Variants in BAG5 observed in about 807,000 individuals in gnomAD.
BAG5 encodes the protein BAG family molecular chaperone regulator 5.
A neutral mutation model predicts 31.8 loss-of-function variants in BAG5; 25 were observed. The observed-to-expected ratio is 0.79, with a 90% CI of 0.57 to 1.10. The LOEUF (loss-of-function observed/expected upper bound fraction) is 1.10, where lower values mean the gene tolerates loss of function less well. Ranked by LOEUF, BAG5 falls within the 50% of genes least tolerant of loss-of-function variation. The pLI is 0.00. For synonymous variants in BAG5, 208 were observed against 205.0 expected (o/e 1.01, Z -0.13); for missense variants, 491 against 527.9 (o/e 0.93, Z 0.68).
intron 1 of BAG5, chr14:103,562,085 C>A (rs2076081713): frequency 1.2e-5 from 11 of 956,506 alleles, no homozygotes; most frequent in Admixed American, 8.7e-5. Flanking sequence ...TCGCCCTTCC[C>A]TCTTGGCCCT....
At position 103,556,806 on chromosome 14, in the gene BAG5, TA is replaced by T. The variant is rs1442967241; in HGVS notation, c.*3014del. On this transcript the variant is annotated 3_prime_UTR_variant, in exon 2 of 2. Transcript: ENST00000299204. ...TGAAAAGCTGTGCTCAAAAAAAAAA[TA>T]AAAAAACCCAAAACCTTGCATGCAC... is the stretch of plus-strand genomic sequence containing the variant. 6.6e-6 allele frequency: 1 copy of T among 150,640 alleles called. No homozygotes were observed. The highest frequency in any genetic ancestry group is 1.5e-5 in the Non-Finnish European group (1 of 67,638). The allele number at this position is 150,640 out of a possible 1,614,324, so 9.3% of individuals were successfully genotyped here.
Position 103,560,775 on chromosome 14 carries a change from G to C in BAG5, c.390C>G (p.Ile130Met). The C allele has an allele frequency of 6.2e-7, 1 of 1,613,990 alleles. No homozygotes were observed. Among genetic ancestry groups the C allele is most frequent in the African/African-American group, 1.3e-5 (1 of 75,012 alleles). ...TDEFEEGIQD[I>M]ILRLTHVKTG... ...TTTTAACATGTGTCAGCCTCAGAAT[G>C]ATATCTTGGATGCCTTCTTCAAACT... Residue 130 changes from isoleucine to methionine, a missense_variant, in exon 2 of 2, where the codon ATC becomes ATG. Ile to Met is a conservative substitution (Grantham distance 10). Coordinates refer to ENST00000299204, the MANE Select transcript of BAG5 (RefSeq NM_001015048.3).
rs768986787 is a variant in BAG5 at position 103,560,782 on chromosome 14, T to C, written c.383A>G (p.Gln128Arg). Residue 128 changes from glutamine to arginine, a missense_variant, in exon 2 of 2, where the codon CAA (glutamine) becomes CGA (arginine). Physicochemically the swap from Gln to Arg is conservative, Grantham distance 43. Coordinates refer to ENST00000299204, the MANE Select transcript of BAG5 (RefSeq NM_001015048.3). ...CVTDEFEEGI[Q>R]DIILRLTHVK... is the part of the protein sequence containing the mutation. Reference sequence around the variant, plus strand: ...ATGTGTCAGCCTCAGAATGATATCTTGGATGCCTTCTTCAAACTCATCAGT... The same window carrying C: ...ATGTGTCAGCCTCAGAATGATATCTCGGATGCCTTCTTCAAACTCATCAGT... The C allele has an allele frequency of 2.5e-6, 4 of 1,613,998 alleles. No individual in the cohort carries two copies. The Admixed American group carries it at 5.0e-5, about 20-fold the overall frequency.
In BAG5 at chr14:103,558,801, C is replaced by T. The variant is rs953306847; in HGVS notation, c.*1020G>A. 3 of 152,228 alleles carry T rather than the reference C, an allele frequency of 2.0e-5. No individual in the cohort carries two copies. Among genetic ancestry groups the T allele is most frequent in the Non-Finnish European group, 4.4e-5 (3 of 68,052 alleles). The allele number at this position is 152,228 out of a possible 1,614,324, so 9.4% of individuals were successfully genotyped here. On this transcript the variant is annotated 3_prime_UTR_variant, in exon 2 of 2. Transcript: ENST00000299204. ...GAAAACCTAGGAAGGCCTGGTCCCT[C>T]TGGGTTACTGACAGCGTCTACCCTC...
Position 103,559,901 on chromosome 14 carries a change from C to T in BAG5, c.1264G>A (p.Ala422Thr). 1 of 1,614,240 alleles carries T rather than the reference C, an allele frequency of 6.2e-7. No homozygotes were observed. Among genetic ancestry groups the T allele is most frequent in the Non-Finnish European group, 8.5e-7 (1 of 1,180,054 alleles). The change falls in exon 2 of 2, where the codon GCT (alanine) becomes ACT (threonine). Residue 422 changes from alanine to threonine, a missense_variant. Ala to Thr is a moderately conservative substitution (Grantham distance 58, BLOSUM62 0). Coordinates refer to ENST00000299204, the MANE Select transcript of BAG5 (RefSeq NM_001015048.3). ...AGCCTCACAGCTTGTTTCCTGGCAG[C>T]CTTACACTTCTCTTCTCCCTGCGGA... ...VDPQGEEKCK[A>T]ARKQAVRLAQ...
In BAG5 at chr14:103,556,756, G is replaced by A. The variant is rs1270643638; in HGVS notation, c.*3065C>T. On this transcript the variant is annotated 3_prime_UTR_variant, in exon 2 of 2. Coordinates refer to ENST00000299204, the MANE Select transcript of BAG5 (RefSeq NM_001015048.3). ...ATGGCCAATATTTCTCTTATTAAGAGAAAAATACCCAACAAATTAAAAGGT... is the reference window on the plus strand; with the variant it reads ...ATGGCCAATATTTCTCTTATTAAGAAAAAAATACCCAACAAATTAAAAGGT... The A allele has an allele frequency of 1.3e-5, 2 of 150,444 alleles. No homozygotes were observed. Among genetic ancestry groups the A allele is most frequent in the African/African-American group, 4.9e-5 (2 of 40,860 alleles). The allele number at this position is 150,444 out of a possible 1,614,324, so 9.3% of individuals were successfully genotyped here.
In BAG5 at chr14:103,558,263, C is replaced by T. The variant is rs758189480; in HGVS notation, c.*1558G>A. On this transcript the variant is annotated 3_prime_UTR_variant, in exon 2 of 2. Transcript: ENST00000299204. ...TTCATGATTGGGAAATACTGAGAGA[C>T]AAGCTGAAGATTTGTTAAGGGCTAT... 6.6e-6 allele frequency: 1 copy of T among 152,194 alleles called. No homozygotes were observed. Among genetic ancestry groups the T allele is most frequent in the Non-Finnish European group, 1.5e-5 (1 of 68,034 alleles). The allele number at this position is 152,194 out of a possible 1,614,324, so 9.4% of individuals were successfully genotyped here.
chr14:103,558,841 C>CA lies in BAG5; in HGVS notation c.*979dup, dbSNP rs2076052830. On this transcript the variant is annotated 3_prime_UTR_variant, in exon 2 of 2. Transcript: ENST00000299204. The stretch of plus-strand genomic sequence containing the variant: ...CGTCTACCCTCACGTTGTAAAACAG[C>CA]ACCGGGGAGGTGTGACAAGGCTGTC... 2 of 152,206 alleles carry CA rather than the reference C, an allele frequency of 1.3e-5. No individual in the cohort carries two copies. The highest frequency in any genetic ancestry group is 4.8e-5 in the African/African-American group (2 of 41,446). 9.4% of individuals were successfully genotyped at this position (152,206 alleles called of 1,614,324 possible).
rs144114999 is a variant in BAG5, at chr14:103,560,061, G to A, written c.1104C>T (p.Ala368=). 33 of 1,614,162 alleles carry A rather than the reference G, an allele frequency of 2.0e-5. No individual in the cohort carries two copies. Among genetic ancestry groups the A allele is most frequent in the Middle Eastern group, 1.6e-4 (1 of 6,062 alleles). The change falls in exon 2 of 2, where the codon GCC becomes GCT. Residue 368 remains alanine, a synonymous_variant. Transcript: ENST00000299204. ...FACEEHPSHK[A]VWNVLGNLSE... ...ACAAGTTTCCAAGGACGTTCCAGACGGCTTTATGGGATGGGTGCTCCTCAC... is the reference window on the plus strand; with the variant it reads ...ACAAGTTTCCAAGGACGTTCCAGACAGCTTTATGGGATGGGTGCTCCTCAC...
At chr14:103,562,507 G>A (rs1566974560) in intron 1 of BAG5, 109 bp downstream of exon 1, 2 of 159,714 alleles carry the variant, frequency 1.3e-5, no homozygotes, top group Admixed American at 6.4e-5. Flanking sequence ...CAGGCCGCAC[G>A]GGGCTGGGCG....
rs2076043026 is a variant in BAG5, at chr14:103,557,071, G to A, written c.*2750C>T. ...GATCTGAAAGCAACGCTGACTGAAT[G>A]TAAATAAAGCAAACGTTCCCAGCCA... is the stretch of plus-strand genomic sequence containing the variant. On this transcript the variant is annotated 3_prime_UTR_variant, in exon 2 of 2. Transcript: ENST00000299204. 1 of 152,242 alleles carries A rather than the reference G, an allele frequency of 6.6e-6. No homozygotes were observed. The highest frequency in any genetic ancestry group is 1.5e-5 in the Non-Finnish European group (1 of 68,038). 9.4% of individuals were successfully genotyped at this position (152,242 alleles called of 1,614,324 possible).
In BAG5 at chr14:103,560,853, G is replaced by C; in HGVS notation, c.312C>G (p.Leu104=). ...IQNIFEEAQS[L]VREKIVPFYN... ...AAAATGGCACAATTTTCTCTCTCAC[G>C]AGGGACTGGGCTTCCTCAAAAATGT... is the stretch of plus-strand genomic sequence containing the variant. The change falls in exon 2 of 2, where the codon CTC becomes CTG. Residue 104 remains leucine, a synonymous_variant. Coordinates refer to ENST00000299204, the MANE Select transcript of BAG5 (RefSeq NM_001015048.3). The C allele has an allele frequency of 6.2e-7, 1 of 1,614,036 alleles. No homozygotes were observed. Among genetic ancestry groups the C allele is most frequent in the Non-Finnish European group, 8.5e-7 (1 of 1,180,034 alleles).
chr14:103,560,410 A>T lies in BAG5; in HGVS notation c.755T>A (p.Leu252Ter). Residue 252 changes from leucine (L) to a stop codon, truncating the protein, a stop_gained, in exon 2 of 2, where the codon TTA (leucine) becomes TAA (stop). Transcript: ENST00000299204. LOFTEE classifies it high-confidence loss of function. ...RREVVEDINKLLKYLDLEEEA... is the reference protein window; with the variant it reads ...RREVVEDINK ...CTCTTCCAAATCCAGATATTTCAAT[A>T]ATTTGTTGATATCTTCTACTACCTC... is the stretch of plus-strand genomic sequence containing the variant. 1 of 1,614,128 alleles carries T rather than the reference A, an allele frequency of 6.2e-7. No individual in the cohort carries two copies. Among genetic ancestry groups the T allele is most frequent in the Non-Finnish European group, 8.5e-7 (1 of 1,180,024 alleles).
rs2076057770 is a variant in BAG5, at chr14:103,559,695, G to C, written c.*126C>G. 2 of 1,148,306 alleles carry C rather than the reference G, an allele frequency of 1.7e-6. No individual in the cohort carries two copies. The highest frequency in any genetic ancestry group is 2.4e-6 in the Non-Finnish European group (2 of 819,366). 71.1% of individuals were successfully genotyped at this position (1,148,306 alleles called of 1,614,324 possible). A position where few individuals can be genotyped will look rare whatever the true frequency, so the allele number is the denominator to read the frequency against. ...CATCAAAAGCAGCAGATACTGAATA[G>C]AATTTGCTTCAATCATAAATACTGA... is the stretch of plus-strand genomic sequence containing the variant. On this transcript the variant is annotated 3_prime_UTR_variant, in exon 2 of 2. Coordinates refer to ENST00000299204, the MANE Select transcript of BAG5 (RefSeq NM_001015048.3).
intron 1 of BAG5, 39 bp from the exon 2 acceptor site, chr14:103,561,231 G>T: frequency 6.5e-7 from 1 of 1,528,250 alleles, no homozygotes; most frequent in South Asian, 1.2e-5. Flanking sequence ...TACAGCACAA[G>T]GCTTCTGCAG....
rs1460529324 is a variant in BAG5 at position 103,557,265 on chromosome 14, A to C, written c.*2556T>G. 2.0e-5 allele frequency: 3 copies of C among 152,254 alleles called. No individual in the cohort carries two copies. The highest frequency in any genetic ancestry group is 6.5e-5 in the Admixed American group (1 of 15,278). 9.4% of individuals were successfully genotyped at this position (152,254 alleles called of 1,614,324 possible). On this transcript the variant is annotated 3_prime_UTR_variant, in exon 2 of 2. Coordinates refer to ENST00000299204, the MANE Select transcript of BAG5 (RefSeq NM_001015048.3). ...TACATGCAGTAGCTCATATTAACAC[A>C]AACAGCTCCCCACGAAGGCCGACAA...
At position 103,557,061 on chromosome 14, in the gene BAG5, C is replaced by A. The variant is rs2076042931; in HGVS notation, c.*2760G>T. On this transcript the variant is annotated 3_prime_UTR_variant, in exon 2 of 2. Transcript: ENST00000299204. Reference sequence around the variant, plus strand: ...GATAAAGTGTGATCTGAAAGCAACGCTGACTGAATGTAAATAAAGCAAACG... The same window carrying A: ...GATAAAGTGTGATCTGAAAGCAACGATGACTGAATGTAAATAAAGCAAACG... 1 of 152,224 alleles carries A rather than the reference C, an allele frequency of 6.6e-6. No individual in the cohort carries two copies. Among genetic ancestry groups the A allele is most frequent in the Non-Finnish European group, 1.5e-5 (1 of 68,044 alleles). The allele number at this position is 152,224 out of a possible 1,614,324, so 9.4% of individuals were successfully genotyped here.
chr14:103,559,940 G>T lies in BAG5; in HGVS notation c.1225C>A (p.Leu409Met). 1 of 1,614,220 alleles carries T rather than the reference G, an allele frequency of 6.2e-7. No homozygotes were observed. Among genetic ancestry groups the T allele is most frequent in the Admixed American group, 1.7e-5 (1 of 60,026 alleles). Residue 409 changes from leucine (L) to methionine (M), a missense_variant, in exon 2 of 2, where the codon CTG becomes ATG. Leu to Met is a conservative substitution (Grantham distance 15, BLOSUM62 2). Coordinates refer to ENST00000299204, the MANE Select transcript of BAG5 (RefSeq NM_001015048.3). Reference sequence around the variant, plus strand: ...TCTCCCTGCGGATCAACAGCATCCAGGGCTAGCAGCTGCTTGGTGAGCAGC... The same window carrying T: ...TCTCCCTGCGGATCAACAGCATCCATGGCTAGCAGCTGCTTGGTGAGCAGC... ...EELLTKQLLA[L>M]DAVDPQGEEK...
chr14:103,559,639 T>C lies in BAG5; in HGVS notation c.*182A>G. Reference sequence around the variant, plus strand: ...ACAGATAATGATCCGAATGGAAAAGTTAACGTGCTGTAATGATATTTGTCT... The same window carrying C: ...ACAGATAATGATCCGAATGGAAAAGCTAACGTGCTGTAATGATATTTGTCT... On this transcript the variant is annotated 3_prime_UTR_variant, in exon 2 of 2. Transcript: ENST00000299204. 1 of 700,012 alleles carries C rather than the reference T, an allele frequency of 1.4e-6. No individual in the cohort carries two copies. Among genetic ancestry groups the C allele is most frequent in the Non-Finnish European group, 2.3e-6 (1 of 438,726 alleles). The allele number at this position is 700,012 out of a possible 1,614,324, so 43.4% of individuals were successfully genotyped here.
Sources: allele counts gnomAD v4.1 joint callset, GRCh38; gene constraint gnomAD v4.1.1; transcripts MANE v1.5; gene names NCBI Gene and HGNC (gene_info 2026-07-23, HGNC 2026-07-21).